The following ARMC2 variants were observed in gnomAD, a reference collection of about 807,000 sequenced individuals.
ARMC2 encodes the protein armadillo repeat-containing protein 2.
A neutral mutation model predicts 90.3 loss-of-function variants in ARMC2; 67 were observed. The ratio of observed to expected loss-of-function variants is 0.74; its 90% confidence interval spans 0.61 to 0.91. ARMC2 has a LOEUF of 0.91. ARMC2 is among the 40% of genes least tolerant of loss of function. ARMC2 has a pLI of 0.00. For missense variants in ARMC2, 920 were observed against 1,030.9 expected, an observed-to-expected ratio of 0.89 and a Z score of 1.47; for synonymous variants, 393 against 393.0, an observed-to-expected ratio of 1.00 and a Z score of 0.00.
chr6:109,002,341 T>C, the ARMC2 span: 2 of 1,612,974 alleles, frequency 1.2e-6, no homozygotes, highest in Non-Finnish European at 1.7e-6. Context: ...TAATGCCAAG[T>C]TCCTAGAAAA....
chr6:108,925,924 G>T (rs1775067813), intron 10 of ARMC2, among the ~76,000 whole-genome samples: 1 of 152,068 alleles, frequency 6.6e-6, no homozygotes, highest in African/African-American at 2.4e-5. Flanking sequence ...TCCTGACTTG[G>T]GTTATTTATG....
chr6:109,035,696 G>A, the ARMC2 span, among the ~76,000 whole-genome samples: 1 of 152,102 alleles, frequency 6.6e-6, no homozygotes, highest in Non-Finnish European at 1.5e-5. Context: ...AAATTCCTGG[G>A]CTTAAGTGAT....
intron 4 of ARMC2, among the ~76,000 whole-genome samples, chr6:108,875,083 T>C (rs1665354724): frequency 6.6e-6 from 1 of 152,186 alleles, no homozygotes; most frequent in Admixed American, 6.5e-5. Flanking sequence ...CACTGTATTA[T>C]GGGAGATTTA....
intron 11 of ARMC2, among the ~76,000 whole-genome samples, chr6:108,935,868 A>T (rs1775922121): frequency 1.3e-5 from 2 of 152,160 alleles, no homozygotes; most frequent in South Asian, 2.1e-4. Context: ...GGTTTTTTTA[A>T]ATTTATTTTT....
At chr6:108,925,686 A>G (rs1299023805) in intron 10 of ARMC2, among the ~76,000 whole-genome samples, 1 of 152,144 alleles carries the variant, frequency 6.6e-6, no homozygotes, top group Admixed American at 6.6e-5. Flanking sequence ...GGATTCTGGG[A>G]TATCTCTGCT....
chr6:108,975,968 G>A (rs529024624), downstream of ARMC2, among the ~76,000 whole-genome samples: 10 of 152,288 alleles, frequency 6.6e-5, no homozygotes, highest in East Asian at 1.9e-3. Context: ...TCACTCTGAT[G>A]ATAGTTTCTT....
chr6:108,978,744 G>T (rs1345550772), downstream of ARMC2, among the ~76,000 whole-genome samples: 3 of 151,942 alleles, frequency 2.0e-5, no homozygotes, highest in Non-Finnish European at 4.4e-5. Context: ...TTTACCATTA[G>T]GTAATGCCCT....
At chr6:108,859,659 T>G (rs1454633737) in intron 3 of ARMC2, among the ~76,000 whole-genome samples, 2 of 152,202 alleles carry the variant, frequency 1.3e-5, no homozygotes, top group African/African-American at 4.8e-5. Context: ...CATCATAGTG[T>G]CTTACCCACT....
chr6:109,001,985 G>A, the ARMC2 span, among the ~76,000 whole-genome samples: 2 of 152,064 alleles, frequency 1.3e-5, no homozygotes, highest in African/African-American at 2.4e-5. Flanking sequence ...CAGGTTATGG[G>A]CACACCTAAA....
chr6:108,953,029 G>T lies in ARMC2; in HGVS notation c.1597-4G>T, dbSNP rs1361152815. On this transcript the variant is annotated splice_polypyrimidine_tract_variant and splice_region_variant and intron_variant, in intron 12 of 17. Coordinates refer to ENST00000392644, the MANE Select transcript of ARMC2 (RefSeq NM_032131.6). The stretch of plus-strand genomic sequence containing the variant: ...CTTTTGACTCTGTCTTTCGTTTATT[G>T]CAGGATTTAGTCGTCCGTGTTGTTT... 2.5e-6 allele frequency: 4 copies of T among 1,601,536 alleles called. No homozygotes were observed. Among genetic ancestry groups the T allele is most frequent in the South Asian group, 1.1e-5 (1 of 89,440 alleles).
intron 5 of ARMC2, among the ~76,000 whole-genome samples, chr6:108,892,585 C>G (rs1305416680): frequency 6.6e-6 from 1 of 151,666 alleles, no homozygotes; most frequent in African/African-American, 2.4e-5. Context: ...CATGGAGAAA[C>G]CCCATCTCTA....
intron 13 of ARMC2, among the ~76,000 whole-genome samples, chr6:108,953,578 A>C (rs989853572): frequency 1.4e-4 from 21 of 152,266 alleles, no homozygotes; most frequent in African/African-American, 5.1e-4. Flanking sequence ...TTATTACTAA[A>C]ACCCACCAAA....
the ARMC2 span, among the ~76,000 whole-genome samples, chr6:109,009,942 A>C: frequency 5.3e-4 from 80 of 152,192 alleles, no homozygotes; most frequent in African/African-American, 1.6e-3. Flanking sequence ...AGGAGTAATG[A>C]AGTTCTCTAA....
chr6:109,048,983 G>C, the ARMC2 span, among the ~76,000 whole-genome samples: 1 of 152,184 alleles, frequency 6.6e-6, no homozygotes, highest in South Asian at 2.1e-4. Context: ...CTAGGACTTA[G>C]TGTCTTTGTC....
chr6:108,879,860 T>G, intron 5 of ARMC2: 1 of 459,442 alleles, frequency 2.2e-6, no homozygotes, highest in South Asian at 1.6e-5. Context: ...CTTAACACTT[T>G]CAGGGGCTCA....
At chr6:108,898,653 G>A (rs1297578459) in intron 6 of ARMC2, among the ~76,000 whole-genome samples, 2 of 152,194 alleles carry the variant, frequency 1.3e-5, no homozygotes, top group African/African-American at 4.8e-5. Flanking sequence ...CCTTTAGTCG[G>A]CTAGTTTGCT....
chr6:108,887,402 T>A (rs1438251989), intron 5 of ARMC2, among the ~76,000 whole-genome samples: 1 of 152,148 alleles, frequency 6.6e-6, no homozygotes, highest in Non-Finnish European at 1.5e-5. Context: ...CCTCACTGAT[T>A]GCAAGAGAAG....
At chr6:108,916,095 T>TGTTGAACTTCCAAA (rs1160836571) in intron 10 of ARMC2, among the ~76,000 whole-genome samples, 1 of 152,090 alleles carries the variant, frequency 6.6e-6, no homozygotes, top group African/African-American at 2.4e-5. Context: ...AAAAACACAG[T>TGTTGAACTTCCAAA]GTTGAACTTT....
At chr6:109,047,410 G>T in the ARMC2 span, among the ~76,000 whole-genome samples, 11 of 128,300 alleles carry the variant, frequency 8.6e-5, no homozygotes, top group African/African-American at 2.0e-4. Flanking sequence ...CTGCCCGGCC[G>T]CCCCTACTGG....
Sources: gnomAD v4.1 joint callset for allele counts (sites outside exome capture counted in the v4.1 genomes callset) on GRCh38, gnomAD v4.1.1 for gene constraint, MANE v1.5 for transcripts, NCBI Gene and HGNC (gene_info 2026-07-23, HGNC 2026-07-21) for gene names.